CFAP77: variants seen among roughly 807,000 people sequenced by gnomAD.
CFAP77 encodes cilia- and flagella-associated protein 77.
In CFAP77, 25 loss-of-function variants were observed where a neutral mutation model predicts 31.1. That is an observed-to-expected ratio of 0.80 (90% CI 0.59 to 1.12). The LOEUF (loss-of-function observed/expected upper bound fraction) is 1.12, where lower values mean the gene tolerates loss of function less well. Among genes scored for constraint, CFAP77 ranks in the 50% most tolerant of loss-of-function variants. The pLI, the probability that CFAP77 is intolerant of heterozygous loss-of-function variation, is 0.00. For synonymous variants in CFAP77, 151 were observed against 159.9 expected, an observed-to-expected ratio of 0.94 and a Z score of 0.42; for missense variants, 377 against 397.3, an observed-to-expected ratio of 0.95 and a Z score of 0.44.
At chr9:132,434,445 T>C (rs1850468964) in intron 1 of CFAP77, among the ~76,000 whole-genome samples, 1 of 152,004 alleles carries the variant, frequency 6.6e-6, no homozygotes, top group South Asian at 2.1e-4. Context: ...AAATAAACAG[T>C]TTAATGAGGA....
intron 5 of CFAP77, among the ~76,000 whole-genome samples, chr9:132,549,825 C>A (rs889100656): frequency 9.2e-5 from 13 of 140,696 alleles, no homozygotes; most frequent in African/African-American, 3.6e-4. Flanking sequence ...GGTGACAGAG[C>A]AAGACTCTGT....
intron 5 of CFAP77, 81 bp from the exon 6 acceptor site, chr9:132,572,307 A>T: frequency 6.9e-7 from 1 of 1,456,422 alleles, no homozygotes; most frequent in Non-Finnish European, 9.3e-7. Flanking sequence ...AGATTGAAGC[A>T]GGGGGCAGGC....
chr9:132,511,049 A>G lies in CFAP77; in HGVS notation c.524+11449A>G, dbSNP rs1365353422. 2.6e-5 allele frequency among the ~76,000 whole-genome samples: 4 copies of G among 152,196 alleles called. No homozygotes were observed. The highest frequency in any genetic ancestry group is 1.5e-5 in the Non-Finnish European group (1 of 68,016). On this transcript the variant is annotated intron_variant, in intron 3 of 5. Coordinates refer to ENST00000393216, the MANE Select transcript of CFAP77 (RefSeq NM_001282957.2). This position sits in a 1 kb window ranked among gnomAD's most constrained non-coding sequence, Gnocchi z 5.8. The stretch of plus-strand genomic sequence containing the variant: ...TCCGGCCTATGCTGAGAGTTCATTT[A>G]GTGCCCACCTGTGCTGGGCATTGTG...
chr9:132,557,602 A>AT (rs1420015764), intron 5 of CFAP77, among the ~76,000 whole-genome samples: 1 of 151,982 alleles, frequency 6.6e-6, no homozygotes, highest in Non-Finnish European at 1.5e-5. Context: ...TGGAGAACCG[A>AT]TTTTTTCCAA....
At chr9:132,458,354 G>GTGGT (rs1554738885) in intron 1 of CFAP77, among the ~76,000 whole-genome samples, 1 of 143,786 alleles carries the variant, frequency 7.0e-6, no homozygotes, top group Admixed American at 7.0e-5. Context: ...GGGGAGGGGG[G>GTGGT]GGGGTGTGTA....
intron 3 of CFAP77, among the ~76,000 whole-genome samples, chr9:132,507,557 A>G (rs1851953668): frequency 6.6e-6 from 1 of 152,174 alleles, no homozygotes; most frequent in Non-Finnish European, 1.5e-5. Flanking sequence ...ACAGGCTGTT[A>G]AAAAAATGTT....
At chr9:132,533,188 G>A (rs1231401881) in intron 3 of CFAP77, among the ~76,000 whole-genome samples, 1 of 152,224 alleles carries the variant, frequency 6.6e-6, no homozygotes, top group African/African-American at 2.4e-5. Flanking sequence ...CAGGTGTATA[G>A]TTTGAGAAAC....
chr9:132,530,959 CTT>C (rs1172432365), intron 3 of CFAP77, among the ~76,000 whole-genome samples: 2 of 152,108 alleles, frequency 1.3e-5, no homozygotes, highest in Non-Finnish European at 2.9e-5. Context: ...AGGTGTGAGA[CTT>C]AGGTTGAGTT....
chr9:132,486,688 G>A (rs1851564959), intron 1 of CFAP77, among the ~76,000 whole-genome samples: 1 of 152,246 alleles, frequency 6.6e-6, no homozygotes. Context: ...CAGAGGCCGG[G>A]GACTCCGAGC....
chr9:132,572,177 C>T (rs1285978145), intron 5 of CFAP77, among the ~76,000 whole-genome samples: 1 of 152,176 alleles, frequency 6.6e-6, no homozygotes, highest in Non-Finnish European at 1.5e-5. Context: ...AGGAGCTGGA[C>T]AGAAGGACGA....
chr9:132,411,531 G>T (rs954665272), intron 1 of CFAP77, among the ~76,000 whole-genome samples: 1 of 152,158 alleles, frequency 6.6e-6, no homozygotes, highest in Non-Finnish European at 1.5e-5. Flanking sequence ...GGCTGCACCT[G>T]GGGGAGGCTG....
At chr9:132,461,767 G>A (rs1437124547) in intron 1 of CFAP77, among the ~76,000 whole-genome samples, 2 of 152,198 alleles carry the variant, frequency 1.3e-5, no homozygotes, top group African/African-American at 2.4e-5. Flanking sequence ...GTGTGTGCGG[G>A]CAATGCTTTG....
At position 132,537,595 on chromosome 9, in the gene CFAP77, C is replaced by T. The variant is rs1194927156; in HGVS notation, c.525-6C>T. 1.2e-6 allele frequency: 2 copies of T among 1,608,800 alleles called. No homozygotes were observed. Among genetic ancestry groups the T allele is most frequent in the African/African-American group, 1.3e-5 (1 of 74,936 alleles). On this transcript the variant is annotated splice_polypyrimidine_tract_variant and splice_region_variant and intron_variant, in intron 3 of 5. Transcript: ENST00000393216. ...CTCAAGCTCTGTCTGGACTTCTTCC[C>T]TCCAGGCCTTCCACACCCTTCTTTG... is the stretch of plus-strand genomic sequence containing the variant.
At chr9:132,541,676 C>A (rs1373153240) in intron 4 of CFAP77, among the ~76,000 whole-genome samples, 1 of 152,174 alleles carries the variant, frequency 6.6e-6, no homozygotes, top group Non-Finnish European at 1.5e-5. Flanking sequence ...CACTGCATTT[C>A]AGCCTGGGCA....
intron 1 of CFAP77, among the ~76,000 whole-genome samples, chr9:132,439,978 C>G (rs1376471667): frequency 1.3e-5 from 2 of 151,880 alleles, no homozygotes; most frequent in African/African-American, 4.8e-5. Flanking sequence ...TCATTCTTAT[C>G]GTAGATCATC....
chr9:132,557,848 A>G (rs1852928319), intron 5 of CFAP77, among the ~76,000 whole-genome samples: 1 of 152,144 alleles, frequency 6.6e-6, no homozygotes, highest in Non-Finnish European at 1.5e-5. Context: ...GAGGTTGCAT[A>G]AAGAGTGACA....
intron 5 of CFAP77, among the ~76,000 whole-genome samples, chr9:132,569,091 C>T (rs1168493120): frequency 6.6e-6 from 1 of 152,166 alleles, no homozygotes; most frequent in Non-Finnish European, 1.5e-5. Context: ...ACAGGTTTTG[C>T]AGGTTAGGTA....
intron 1 of CFAP77, among the ~76,000 whole-genome samples, chr9:132,486,530 G>A (rs1851561679): frequency 6.6e-6 from 1 of 152,188 alleles, no homozygotes; most frequent in Non-Finnish European, 1.5e-5. Flanking sequence ...CGTAATCTCA[G>A]ATGATACCTA....
chr9:132,421,038 C>T (rs907905913), intron 1 of CFAP77, among the ~76,000 whole-genome samples: 5 of 140,824 alleles, frequency 3.6e-5, no homozygotes, highest in South Asian at 2.3e-4. Flanking sequence ...GACAGAGTCT[C>T]GCTTTGTCAC....
Sources: gnomAD v4.1 joint callset for allele counts (sites outside exome capture counted in the v4.1 genomes callset) on GRCh38, gnomAD v4.1.1 for gene constraint, Gnocchi (gnomAD v3.1) non-coding constraint, MANE v1.5 for transcripts, NCBI Gene and HGNC (gene_info 2026-07-23, HGNC 2026-07-21) for gene names.